The following SDK1 variants were observed in gnomAD, a reference collection of about 807,000 sequenced individuals.
SDK1 encodes sidekick cell adhesion molecule 1, also known as protein sidekick-1.
SDK1 carries 157 observed loss-of-function variants against 245.5 expected under a neutral mutation model. The ratio of observed to expected loss-of-function variants is 0.64; its 90% CI spans 0.56 to 0.73. The LOEUF (loss-of-function observed/expected upper bound fraction) is 0.73, where lower values mean the gene tolerates loss of function less well. Ranked by LOEUF, SDK1 falls within the 30% of genes least tolerant of loss-of-function variation. The pLI is 0.00. For synonymous variants in SDK1, 1,647 were observed against 1,278.5 expected (o/e 1.29, Z -6.15); for missense variants, 3,583 against 3,002.3 (o/e 1.19, Z -4.52).
At chr7:3,484,331 C>G (rs917232390) in intron 1 of SDK1, among the ~76,000 whole-genome samples, 8 of 152,098 alleles carry the variant, frequency 5.3e-5, no homozygotes, top group Non-Finnish European at 1.2e-4. Flanking sequence ...TACATATTCA[C>G]TGGATGCGAA....
intron 40 of SDK1, among the ~76,000 whole-genome samples, chr7:4,231,371 C>G (rs1258310437): frequency 6.6e-6 from 1 of 151,256 alleles, no homozygotes; most frequent in Non-Finnish European, 1.5e-5. Flanking sequence ...CGAGCCCAGC[C>G]TGGGCAACAC....
chr7:3,536,617 G>A (rs1340367552), intron 1 of SDK1, among the ~76,000 whole-genome samples: 1 of 151,814 alleles, frequency 6.6e-6, no homozygotes, highest in Admixed American at 6.6e-5. Flanking sequence ...TTGCTCGAAC[G>A]TGGGAGATGG....
intron 5 of SDK1, among the ~76,000 whole-genome samples, chr7:3,886,392 G>A (rs914538078): frequency 2.0e-5 from 3 of 152,354 alleles, no homozygotes; most frequent in South Asian, 2.1e-4. Flanking sequence ...GCAGCAGCAC[G>A]GCTGCACCAG....
chr7:4,153,155 G>C lies in SDK1; in HGVS notation c.4625+3692G>C, dbSNP rs113243398. Among the ~76,000 whole-genome samples, 553 of 152,222 alleles carry C rather than the reference G, an allele frequency of 3.6e-3. 4 individuals are homozygous for C. The highest frequency in any genetic ancestry group is 0.012 in the African/African-American group (518 of 41,532). On this transcript the variant is annotated intron_variant, in intron 30 of 44. Coordinates refer to ENST00000404826, the MANE Select transcript of SDK1 (RefSeq NM_152744.4). ...GGGGGTTCCAAACAGAAGACAGAAAGGCGCAGAGGGAATGAGCATGGAAAA... is the reference window on the plus strand; with the variant it reads ...GGGGGTTCCAAACAGAAGACAGAAACGCGCAGAGGGAATGAGCATGGAAAA...
intron 5 of SDK1, among the ~76,000 whole-genome samples, chr7:3,855,537 A>G (rs562990377): frequency 4.6e-5 from 7 of 152,332 alleles, no homozygotes; most frequent in African/African-American, 1.2e-4. Flanking sequence ...GGATGTATCA[A>G]CAGAAGACTA....
chr7:3,301,579 TG>T lies in SDK1; in HGVS notation c.-7del. 1 of 954,700 alleles carries T rather than the reference TG, an allele frequency of 1.0e-6. No individual in the cohort carries two copies. The allele number at this position is 954,700 out of a possible 1,614,324, so 59.1% of individuals were successfully genotyped here. On this transcript the variant is annotated 5_prime_UTR_variant, in exon 1 of 45. Transcript: ENST00000404826. ...CCGGCGCGGCGCTCGGGGTGGCGGC[TG>T]CTCGGCATGGCCCGGGGCGCCCGGC...
chr7:4,165,756 C>G (rs1055115258), intron 32 of SDK1, among the ~76,000 whole-genome samples: 3 of 152,084 alleles, frequency 2.0e-5, no homozygotes, highest in Non-Finnish European at 4.4e-5. Flanking sequence ...TCCCAAAGTG[C>G]TGGGATTACA....
intron 32 of SDK1, among the ~76,000 whole-genome samples, chr7:4,171,235 C>T (rs1781818838): frequency 6.6e-6 from 1 of 152,228 alleles, no homozygotes; most frequent in Admixed American, 6.5e-5. Flanking sequence ...CTGCCGCCGC[C>T]TCGGGTACAC....
At chr7:4,063,605 A>G (rs866996416) in intron 19 of SDK1, among the ~76,000 whole-genome samples, 2 of 151,366 alleles carry the variant, frequency 1.3e-5, no homozygotes, top group Non-Finnish European at 2.9e-5. Context: ...AGCAAAAAAA[A>G]AAAACAAAAA....
chr7:3,850,958 G>T (rs939054721), intron 5 of SDK1, among the ~76,000 whole-genome samples: 7 of 152,064 alleles, frequency 4.6e-5, no homozygotes, highest in African/African-American at 7.2e-5. Flanking sequence ...GTATACATAT[G>T]TAACAAACCT....
intron 5 of SDK1, among the ~76,000 whole-genome samples, chr7:3,860,872 A>T (rs1466707345): frequency 1.3e-5 from 2 of 152,170 alleles, no homozygotes; most frequent in African/African-American, 4.8e-5. Flanking sequence ...TGCTGACCAA[A>T]AAAACTTGAT....
chr7:4,066,635 C>G (rs970359420), intron 19 of SDK1, among the ~76,000 whole-genome samples: 55 of 152,228 alleles, frequency 3.6e-4, no homozygotes, highest in African/African-American at 1.3e-3. Context: ...ATCCTCTCCT[C>G]CCTCCCCATC....
At chr7:3,547,282 A>T (rs1470711528) in intron 1 of SDK1, among the ~76,000 whole-genome samples, 1 of 152,212 alleles carries the variant, frequency 6.6e-6, no homozygotes, top group Non-Finnish European at 1.5e-5. Flanking sequence ...TAATTATTAT[A>T]ATTGATCTGA....
chr7:3,571,882 A>G (rs776266452), intron 1 of SDK1, among the ~76,000 whole-genome samples: 3 of 151,990 alleles, frequency 2.0e-5, no homozygotes, highest in Non-Finnish European at 4.4e-5. Context: ...TAATCGGTAT[A>G]TTTCTACCTA....
At chr7:3,994,947 C>T (rs1421774307) in intron 14 of SDK1, among the ~76,000 whole-genome samples, 1 of 152,094 alleles carries the variant, frequency 6.6e-6, no homozygotes, top group Non-Finnish European at 1.5e-5. Flanking sequence ...TGCAGAGAAC[C>T]CACCGCTGGG....
At chr7:3,785,313 C>G (rs534040286) in intron 4 of SDK1, among the ~76,000 whole-genome samples, 2 of 152,138 alleles carry the variant, frequency 1.3e-5, no homozygotes, top group Admixed American at 1.3e-4. Context: ...GAGAATTGTA[C>G]ACTTCAAAGT....
chr7:3,348,273 C>G (rs958681951), intron 1 of SDK1, among the ~76,000 whole-genome samples: 6 of 152,156 alleles, frequency 3.9e-5, no homozygotes, highest in African/African-American at 1.4e-4. Flanking sequence ...TCAGCTTTTT[C>G]CACTGTAAGC....
At chr7:3,510,678 C>A (rs1782549949) in intron 1 of SDK1, among the ~76,000 whole-genome samples, 1 of 151,992 alleles carries the variant, frequency 6.6e-6, no homozygotes, top group Non-Finnish European at 1.5e-5. Flanking sequence ...CAAAGGTGGT[C>A]TTATTATACA....
At chr7:3,917,790 C>T (rs891415202) in intron 5 of SDK1, among the ~76,000 whole-genome samples, 17 of 151,574 alleles carry the variant, frequency 1.1e-4, no homozygotes, top group Non-Finnish European at 2.5e-4. Context: ...TACATACATG[C>T]ACATTATCTA....
Sources: allele counts gnomAD v4.1 joint callset (sites outside exome capture counted in the v4.1 genomes callset), GRCh38; gene constraint gnomAD v4.1.1; transcripts MANE v1.5; gene names NCBI Gene and HGNC (gene_info 2026-07-23, HGNC 2026-07-21).